Variants in TTC39C observed in about 807,000 individuals in gnomAD.
TTC39C encodes the protein tetratricopeptide repeat domain 39C.
A neutral mutation model predicts 76.3 loss-of-function variants in TTC39C; 33 were observed. The observed-to-expected ratio is 0.43, with a 90% CI of 0.33 to 0.58. The LOEUF (loss-of-function observed/expected upper bound fraction) is 0.58, where lower values mean the gene tolerates loss of function less well. Ranked by LOEUF, TTC39C falls within the 20% of genes least tolerant of loss-of-function variation. The pLI is 0.04. For synonymous variants in TTC39C, 254 were observed against 260.6 expected, an observed-to-expected ratio of 0.97 and a Z score of 0.24; for missense variants, 595 against 701.4, an observed-to-expected ratio of 0.85 and a Z score of 1.71.
intron 1 of TTC39C, among the ~76,000 whole-genome samples, chr18:23,993,545 A>G (rs1010641747): frequency 2.0e-5 from 3 of 152,224 alleles, no homozygotes; most frequent in Non-Finnish European, 4.4e-5. Context: ...GAATGTATCA[A>G]AATAACTAAA....
chr18:24,041,778 A>G (rs958930909), intron 1 of TTC39C, among the ~76,000 whole-genome samples: 1 of 152,278 alleles, frequency 6.6e-6, no homozygotes, highest in African/African-American at 2.4e-5. Flanking sequence ...GATGTCCTTC[A>G]TACTCAGAAT....
intron 7 of TTC39C, 85 bp downstream of exon 7, chr18:24,114,732 T>C: frequency 9.7e-7 from 1 of 1,028,486 alleles, no homozygotes; most frequent in Non-Finnish European, 1.5e-6. Context: ...AGTGTGTGTC[T>C]ACAAAATGCT....
At chr18:24,081,074 A>G (rs1273921930) in intron 5 of TTC39C, 135 bp downstream of exon 5, 7 of 755,088 alleles carry the variant, frequency 9.3e-6, no homozygotes, top group East Asian at 5.4e-5. Flanking sequence ...ATGTCTTTCA[A>G]TGCAACACCA....
upstream of TTC39C, among the ~76,000 whole-genome samples, chr18:24,009,759 A>G (rs2083381474): frequency 6.6e-6 from 1 of 152,246 alleles, no homozygotes; most frequent in Non-Finnish European, 1.5e-5. Flanking sequence ...CTGACTCTCT[A>G]CAGCAGCAGA....
At chr18:24,023,712 T>A (rs1350164237) in intron 1 of TTC39C, among the ~76,000 whole-genome samples, 2 of 151,756 alleles carry the variant, frequency 1.3e-5, no homozygotes, top group African/African-American at 2.4e-5. Flanking sequence ...AGATCCTGCA[T>A]TTCAGGAAGA....
At chr18:24,069,726 C>A (rs896020225) in intron 4 of TTC39C, among the ~76,000 whole-genome samples, 2 of 152,140 alleles carry the variant, frequency 1.3e-5, no homozygotes, top group Non-Finnish European at 2.9e-5. Context: ...CTGGAATGAC[C>A]TGCATTTTAA....
intron 4 of TTC39C, among the ~76,000 whole-genome samples, chr18:24,074,502 G>T (rs2084278938): frequency 6.6e-6 from 1 of 152,178 alleles, no homozygotes; most frequent in African/African-American, 2.4e-5. Context: ...AAGATATTGG[G>T]ATTGGAGAAG....
intron 6 of TTC39C, among the ~76,000 whole-genome samples, chr18:24,091,735 T>G (rs887718782): frequency 6.6e-6 from 1 of 152,154 alleles, no homozygotes; most frequent in Non-Finnish European, 1.5e-5. Context: ...ATACGGGACT[T>G]GTATTCTGAA....
chr18:24,019,334 T>G (rs896898979), intron 1 of TTC39C, among the ~76,000 whole-genome samples: 9 of 152,214 alleles, frequency 5.9e-5, no homozygotes, highest in African/African-American at 2.2e-4. Context: ...CTGTAGATAT[T>G]TTAAAGAGTC....
chr18:23,996,511 C>T (rs571934827), intron 1 of TTC39C, among the ~76,000 whole-genome samples: 2 of 152,336 alleles, frequency 1.3e-5, no homozygotes, highest in Admixed American at 1.3e-4. Context: ...TGCATATACT[C>T]ATCATAAGGC....
At chr18:24,091,184 G>A (rs2084512140) in intron 6 of TTC39C, among the ~76,000 whole-genome samples, 1 of 152,234 alleles carries the variant, frequency 6.6e-6, no homozygotes, top group South Asian at 2.1e-4. Flanking sequence ...AGGCACAGTA[G>A]CTCAATGCCT....
chr18:24,068,514 T>A (rs1011285158), intron 3 of TTC39C, among the ~76,000 whole-genome samples: 1 of 152,246 alleles, frequency 6.6e-6, no homozygotes, highest in Non-Finnish European at 1.5e-5. Context: ...GAGTGTTCTA[T>A]TCTGAAGTGT....
intron 1 of TTC39C, among the ~76,000 whole-genome samples, chr18:24,003,063 G>A (rs957644496): frequency 2.0e-5 from 3 of 152,146 alleles, no homozygotes; most frequent in Non-Finnish European, 4.4e-5. Flanking sequence ...CTCCAGGTAA[G>A]GCACAGAGAG....
At chr18:23,995,050 A>G (rs2083250330) in intron 1 of TTC39C, among the ~76,000 whole-genome samples, 1 of 152,178 alleles carries the variant, frequency 6.6e-6, no homozygotes, top group East Asian at 1.9e-4. Context: ...TGCAATTATG[A>G]TACAGAACTA....
chr18:24,022,764 G>A (rs2083532407), intron 1 of TTC39C: 1 of 985,246 alleles, frequency 1.0e-6, no homozygotes, highest in African/African-American at 1.7e-5. Context: ...GATGTCCTGT[G>A]ATGTGGCCCT....
chr18:24,131,842 A>ATT lies in TTC39C; in HGVS notation c.1624-39_1624-38insTT, dbSNP rs778118356. 1.1e-5 allele frequency: 17 copies of ATT among 1,594,034 alleles called. No homozygotes were observed. In the Admixed American group the frequency reaches 1.4e-4, roughly 13 times the overall value. On this transcript the variant is annotated intron_variant, in intron 12 of 13. Coordinates refer to ENST00000317571, the MANE Select transcript of TTC39C (RefSeq NM_001135993.2). The stretch of plus-strand genomic sequence containing the variant: ...TATACCATTTTCTGCCTGCGTATAT[A>ATT]TAAACACAGATTTTATGGGATAATG...
chr18:24,065,360 T>C (rs2084153421), intron 2 of TTC39C, among the ~76,000 whole-genome samples: 2 of 152,178 alleles, frequency 1.3e-5, no homozygotes, highest in Admixed American at 6.5e-5. Flanking sequence ...TGTAAGCCCA[T>C]TCATCTCAGA....
intron 7 of TTC39C, 70 bp from the exon 8 acceptor site, chr18:24,118,055 C>A: frequency 8.3e-7 from 1 of 1,210,262 alleles, no homozygotes; most frequent in Admixed American, 2.4e-5. Context: ...ATATCAGAGG[C>A]TCGTGGCTTA....
At chr18:24,018,875 T>C (rs778012072) in intron 1 of TTC39C, among the ~76,000 whole-genome samples, 3 of 152,206 alleles carry the variant, frequency 2.0e-5, no homozygotes, top group African/African-American at 4.8e-5. Context: ...TGGCTTGTTC[T>C]GCACTTATTT....
Sources: gnomAD v4.1 joint callset for allele counts (sites outside exome capture counted in the v4.1 genomes callset) on GRCh38, gnomAD v4.1.1 for gene constraint, MANE v1.5 for transcripts, NCBI Gene and HGNC (gene_info 2026-07-23, HGNC 2026-07-21) for gene names.